The following SDK1 variants were observed in gnomAD, a reference collection of about 807,000 sequenced individuals.
SDK1 encodes the protein protein sidekick-1.
In SDK1, 157 loss-of-function variants were observed where a neutral mutation model predicts 245.5. The observed-to-expected ratio is 0.64, with a 90% CI of 0.56 to 0.73. The LOEUF (loss-of-function observed/expected upper bound fraction) is 0.73. SDK1 is among the 30% of genes least tolerant of loss of function. SDK1 has a pLI of 0.00. For missense variants in SDK1, 3,583 were observed against 3,002.3 expected (o/e 1.19, Z -4.52); for synonymous variants, 1,647 against 1,278.5 (o/e 1.29, Z -6.15).
intron 5 of SDK1, among the ~76,000 whole-genome samples, chr7:3,902,812 T>C (rs1260762974): frequency 6.6e-6 from 1 of 152,194 alleles, no homozygotes; most frequent in East Asian, 1.9e-4. Flanking sequence ...TATTGTTTGC[T>C]AGTTTTTGTT....
intron 4 of SDK1, among the ~76,000 whole-genome samples, chr7:3,705,469 T>G (rs1784857985): frequency 7.1e-6 from 1 of 140,646 alleles, no homozygotes; most frequent in Non-Finnish European, 1.5e-5. Flanking sequence ...TTATTTTATT[T>G]TATTTTATTT....
At chr7:3,535,287 A>ACTCC (rs1778845580) in intron 1 of SDK1, among the ~76,000 whole-genome samples, 1 of 152,164 alleles carries the variant, frequency 6.6e-6, no homozygotes, top group Non-Finnish European at 1.5e-5. Context: ...AAATAAAGAA[A>ACTCC]AAGAAAACTG....
At chr7:3,533,981 C>T (rs1037551669) in intron 1 of SDK1, among the ~76,000 whole-genome samples, 2 of 152,166 alleles carry the variant, frequency 1.3e-5, no homozygotes, top group African/African-American at 4.8e-5. Flanking sequence ...TGAATATAGG[C>T]ACAATGCTGT....
intron 5 of SDK1, among the ~76,000 whole-genome samples, chr7:3,883,876 G>A (rs978568101): frequency 1.3e-5 from 2 of 151,974 alleles, no homozygotes; most frequent in East Asian, 3.9e-4. Context: ...TCACTCAAAC[G>A]TCCACATGGC....
At chr7:3,993,635 A>G (rs951281646) in intron 14 of SDK1, among the ~76,000 whole-genome samples, 1 of 152,216 alleles carries the variant, frequency 6.6e-6, no homozygotes, top group Non-Finnish European at 1.5e-5. Flanking sequence ...AACGATCACT[A>G]CAGTCCCACA....
At chr7:3,878,605 GT>G (rs1781129856) in intron 5 of SDK1, among the ~76,000 whole-genome samples, 1 of 152,164 alleles carries the variant, frequency 6.6e-6, no homozygotes, top group Admixed American at 6.5e-5. Flanking sequence ...TATTAACACT[GT>G]ATTTATCGGA....
intron 14 of SDK1, among the ~76,000 whole-genome samples, chr7:4,003,075 G>T (rs1026883095): frequency 2.0e-5 from 3 of 152,228 alleles, no homozygotes; most frequent in African/African-American, 7.2e-5. Context: ...TCATTCTCCA[G>T]GCTCTAGCCT....
chr7:3,604,609 T>C (rs1237622307), intron 1 of SDK1, among the ~76,000 whole-genome samples: 2 of 148,300 alleles, frequency 1.3e-5, no homozygotes, highest in Admixed American at 6.7e-5. Context: ...TTTCTTTTTT[T>C]TTTTTTTTTT....
chr7:4,198,336 C>G (rs1268230771), intron 35 of SDK1, among the ~76,000 whole-genome samples: 3 of 152,216 alleles, frequency 2.0e-5, no homozygotes, highest in African/African-American at 7.2e-5. Context: ...AGGATGGGGA[C>G]AAAGTCACAA....
intron 5 of SDK1, among the ~76,000 whole-genome samples, 160 bp downstream of exon 5, chr7:3,821,743 G>C (rs1779652077): frequency 6.6e-6 from 1 of 151,824 alleles, no homozygotes; most frequent in South Asian, 2.1e-4. Context: ...AGAGCTTTAG[G>C]GCTCTTGCTT....
intron 1 of SDK1, among the ~76,000 whole-genome samples, chr7:3,429,241 A>AAAG (rs10693644): frequency 8.6e-5 from 13 of 151,550 alleles, no homozygotes; most frequent in South Asian, 2.1e-4. Context: ...ATATGATAAA[A>AAAG]GGCTTTTTTT....
chr7:3,622,069 G>A (rs78453866), intron 2 of SDK1, among the ~76,000 whole-genome samples: 5,480 of 152,246 alleles, frequency 0.036, 267 homozygotes, highest in African/African-American at 0.11. Flanking sequence ...AGGCTAAACC[G>A]TGGTGTCTAT....
rs1180743708 is a variant in SDK1, at chr7:3,374,315, C to T, written c.298+72431C>T. ...TTTTCTGGAAGACTTGTGACTTCTG[C>T]CCCCAAGCTGTGCACAGGAGGACTC... On this transcript the variant is annotated intron_variant, in intron 1 of 44. Coordinates refer to ENST00000404826, the MANE Select transcript of SDK1 (RefSeq NM_152744.4). Among the ~76,000 whole-genome samples the T allele has an allele frequency of 4.6e-5, 7 of 152,142 alleles. No homozygotes were observed. The East Asian group carries it at 1.2e-3, about 25-fold the overall frequency.
At chr7:3,781,501 C>G (rs1227874644) in intron 4 of SDK1, among the ~76,000 whole-genome samples, 1 of 152,066 alleles carries the variant, frequency 6.6e-6, no homozygotes, top group Non-Finnish European at 1.5e-5. Context: ...GCAGATAACA[C>G]AAGGATTACA....
intron 28 of SDK1, among the ~76,000 whole-genome samples, chr7:4,142,518 A>G (rs940300840): frequency 6.6e-6 from 1 of 152,014 alleles, no homozygotes; most frequent in African/African-American, 2.4e-5. Context: ...TAGTAGAGAC[A>G]GGGTTTCACC....
In SDK1 at chr7:3,687,068, C is replaced by CACAA. The variant is rs1310291764; in HGVS notation, c.713+44966_713+44967insAACA. On this transcript the variant is annotated intron_variant, in intron 4 of 44. Coordinates refer to ENST00000404826, the MANE Select transcript of SDK1 (RefSeq NM_152744.4). ...GGGATAGCATCAAAACACACACACACACACACACACACACACACACACACA... is the reference window on the plus strand; with the variant it reads ...GGGATAGCATCAAAACACACACACACACAAACACACACACACACACACACACACA... Among the ~76,000 whole-genome samples, 4 of 108,948 alleles carry CACAA rather than the reference C, an allele frequency of 3.7e-5. No homozygotes were observed. In the East Asian group the frequency reaches 2.0e-3, roughly 54 times the overall value. The allele number at this position is 108,948 out of a possible 152,430, so 71.5% of individuals were successfully genotyped here. A position where few individuals can be genotyped will look rare whatever the true frequency, so the allele number is the denominator to read the frequency against.
intron 7 of SDK1, among the ~76,000 whole-genome samples, chr7:3,958,718 A>C (rs1486653008): frequency 2.0e-5 from 3 of 152,220 alleles, no homozygotes; most frequent in Non-Finnish European, 4.4e-5. Flanking sequence ...AAAAGTAGCC[A>C]TCACCCTGAG....
chr7:3,406,519 A>C (rs1361051633), intron 1 of SDK1, among the ~76,000 whole-genome samples: 1 of 152,068 alleles, frequency 6.6e-6, no homozygotes, highest in African/African-American at 2.4e-5. Context: ...CTCTCTCTCC[A>C]ACTGTGGGCC....
intron 28 of SDK1, among the ~76,000 whole-genome samples, chr7:4,143,964 A>G (rs1397343451): frequency 6.6e-6 from 1 of 151,982 alleles, no homozygotes; most frequent in Non-Finnish European, 1.5e-5. Flanking sequence ...CGCTCTCCTC[A>G]CCGTCAGAGT....
Sources: gnomAD v4.1 joint callset for allele counts (sites outside exome capture counted in the v4.1 genomes callset) on GRCh38, gnomAD v4.1.1 for gene constraint, MANE v1.5 for transcripts, NCBI Gene and HGNC (gene_info 2026-07-23, HGNC 2026-07-21) for gene names.